TASP1: variants seen among roughly 807,000 people sequenced by gnomAD.
The protein encoded by TASP1 is threonine aspartase 1.
A neutral mutation model predicts 56.6 loss-of-function variants in TASP1; 16 were observed. The observed-to-expected ratio is 0.28, with a 90% CI of 0.19 to 0.43. TASP1 has a LOEUF of 0.43. TASP1 is among the 20% of genes least tolerant of loss of function. The pLI is 1.00. For synonymous variants in TASP1, 179 were observed against 184.2 expected (o/e 0.97, Z 0.23); for missense variants, 393 against 511.6 (o/e 0.77, Z 2.24).
intron 11 of TASP1, among the ~76,000 whole-genome samples, chr20:13,453,685 A>G (rs1476750777): frequency 2.6e-5 from 4 of 152,124 alleles, no homozygotes; most frequent in African/African-American, 9.7e-5. Flanking sequence ...CGTACTATTC[A>G]TTACATACTG....
At chr20:13,291,636 T>G in the TASP1 span, among the ~76,000 whole-genome samples, 1 of 152,166 alleles carries the variant, frequency 6.6e-6, no homozygotes, top group African/African-American at 2.4e-5. Flanking sequence ...GGTGAGCCAG[T>G]AAGTTTGAGT....
At chr20:13,452,813 C>G (rs6134875) in intron 11 of TASP1, among the ~76,000 whole-genome samples, 1 of 152,188 alleles carries the variant, frequency 6.6e-6, no homozygotes, top group East Asian at 1.9e-4. Context: ...GCTGAGCAAA[C>G]ACTAGATAAT....
chr20:13,608,497 T>G (rs6042242), intron 4 of TASP1, among the ~76,000 whole-genome samples: 1 of 152,202 alleles, frequency 6.6e-6, no homozygotes, highest in Non-Finnish European at 1.5e-5. Flanking sequence ...GTGGGCCACA[T>G]AGACAATGCT....
intron 4 of TASP1, among the ~76,000 whole-genome samples, chr20:13,602,554 C>A (rs1181883425): frequency 6.6e-6 from 1 of 152,128 alleles, no homozygotes; most frequent in Non-Finnish European, 1.5e-5. Context: ...GGTCCCCAAC[C>A]TTTTTGGCAC....
At chr20:13,434,483 A>C (rs2042935861) in intron 12 of TASP1, among the ~76,000 whole-genome samples, 1 of 152,200 alleles carries the variant, frequency 6.6e-6, no homozygotes, top group Admixed American at 6.5e-5. Flanking sequence ...GGAAATCTGC[A>C]AATCTGCGAA....
intron 4 of TASP1, among the ~76,000 whole-genome samples, chr20:13,607,224 C>A (rs1417906542): frequency 6.6e-6 from 1 of 152,148 alleles, no homozygotes; most frequent in Non-Finnish European, 1.5e-5. Flanking sequence ...ACCAACCCAG[C>A]AAAGAGAGGG....
the TASP1 span, among the ~76,000 whole-genome samples, chr20:13,213,996 G>A: frequency 6.6e-6 from 1 of 152,194 alleles, no homozygotes; most frequent in African/African-American, 2.4e-5. Context: ...GACCGAAGGT[G>A]ATAAACAGAC....
the TASP1 span, among the ~76,000 whole-genome samples, chr20:13,313,874 T>C: frequency 1.3e-5 from 2 of 152,216 alleles, no homozygotes; most frequent in Non-Finnish European, 2.9e-5. Flanking sequence ...AGGGCTCTAA[T>C]GAATAAAGTT....
the TASP1 span, among the ~76,000 whole-genome samples, chr20:13,112,724 T>C: frequency 6.6e-6 from 1 of 152,186 alleles, no homozygotes; most frequent in Non-Finnish European, 1.5e-5. Flanking sequence ...AAAGGCCACA[T>C]TCACAGATAG....
chr20:13,288,922 T>G, the TASP1 span, among the ~76,000 whole-genome samples: 4 of 152,054 alleles, frequency 2.6e-5, no homozygotes, highest in African/African-American at 9.7e-5. Context: ...GTAGCTGGGA[T>G]TACAGGCACA....
chr20:13,439,740 G>A (rs4813130), intron 11 of TASP1, among the ~76,000 whole-genome samples: 2 of 151,848 alleles, frequency 1.3e-5, no homozygotes, highest in African/African-American at 2.4e-5. Flanking sequence ...AACAAAACAA[G>A]AACAAAAAAA....
At chr20:13,404,514 G>T (rs2041847745) in intron 13 of TASP1, among the ~76,000 whole-genome samples, 1 of 152,320 alleles carries the variant, frequency 6.6e-6, no homozygotes, top group South Asian at 2.1e-4. Context: ...GCTGATGCAA[G>T]AGGATCGTTT....
intron 10 of TASP1, among the ~76,000 whole-genome samples, chr20:13,516,019 C>T (rs759553362): frequency 5.3e-5 from 8 of 152,092 alleles, no homozygotes; most frequent in Admixed American, 2.6e-4. Context: ...CCTAGCCAGT[C>T]GGCTCACTGA....
At chr20:13,433,377 T>C (rs1185155275) in intron 12 of TASP1, among the ~76,000 whole-genome samples, 1 of 152,152 alleles carries the variant, frequency 6.6e-6, no homozygotes, top group Admixed American at 6.5e-5. Flanking sequence ...ACTGGAAGAA[T>C]ATTCAAAGGA....
intron 11 of TASP1, among the ~76,000 whole-genome samples, chr20:13,457,477 T>C (rs2146328285): frequency 6.6e-6 from 1 of 152,138 alleles, no homozygotes; most frequent in African/African-American, 2.4e-5. Flanking sequence ...ACCACAAAAC[T>C]TTATTGTAGT....
At chr20:13,300,755 G>T in the TASP1 span, 3 of 152,186 alleles carry the variant, frequency 2.0e-5, no homozygotes, top group Non-Finnish European at 4.4e-5. Flanking sequence ...GGAATAAAAG[G>T]CTCATTCATT....
chr20:13,466,916 T>A (rs1235570726), intron 11 of TASP1, among the ~76,000 whole-genome samples: 1 of 152,128 alleles, frequency 6.6e-6, no homozygotes, highest in African/African-American at 2.4e-5. Flanking sequence ...GTATCAATGG[T>A]AACTTTGTGA....
At chr20:13,236,902 G>C in the TASP1 span, among the ~76,000 whole-genome samples, 1 of 152,220 alleles carries the variant, frequency 6.6e-6, no homozygotes, top group African/African-American at 2.4e-5. Context: ...CCTCCCTCCA[G>C]CTGCTTTCAG....
At chr20:13,632,451 G>A (rs1467098536) in intron 1 of TASP1, among the ~76,000 whole-genome samples, 2 of 151,942 alleles carry the variant, frequency 1.3e-5, no homozygotes, top group Non-Finnish European at 2.9e-5. Flanking sequence ...ATGGTTTGAT[G>A]TAACAGGCAT....
Sources: gnomAD v4.1 joint callset for allele counts (sites outside exome capture counted in the v4.1 genomes callset) on GRCh38, gnomAD v4.1.1 for gene constraint, MANE v1.5 for transcripts, NCBI Gene and HGNC (gene_info 2026-07-23, HGNC 2026-07-21) for gene names.